Variants in C6orf163 observed in about 807,000 individuals in gnomAD.
C6orf163 encodes chromosome 6 open reading frame 163, also known as uncharacterized protein C6orf163.
A neutral mutation model predicts 28.4 loss-of-function variants in C6orf163; 22 were observed. The ratio of observed to expected loss-of-function variants is 0.78; its 90% CI spans 0.55 to 1.11. C6orf163 has a LOEUF of 1.11. Among genes scored for constraint, C6orf163 ranks in the 50% least tolerant of loss-of-function variants. C6orf163 has a pLI of 0.00. For missense variants in C6orf163, 342 were observed against 389.1 expected, an observed-to-expected ratio of 0.88 and a Z score of 1.02; for synonymous variants, 110 against 123.6, an observed-to-expected ratio of 0.89 and a Z score of 0.73.
intron 1 of C6orf163, chr6:87,348,399 G>A: frequency 1.0e-6 from 1 of 989,476 alleles, no homozygotes; most frequent in South Asian, 4.7e-5. Flanking sequence ...GTAATGTGAA[G>A]GCATTCCACT....
chr6:87,363,933 G>A (rs1407687847), intron 4 of C6orf163, among the ~76,000 whole-genome samples: 2 of 152,056 alleles, frequency 1.3e-5, no homozygotes, highest in South Asian at 2.1e-4. Context: ...ACAATAAATT[G>A]AAACAGTATG....
chr6:87,362,219 G>GT (rs1777590210), intron 4 of C6orf163, among the ~76,000 whole-genome samples: 1 of 152,208 alleles, frequency 6.6e-6, no homozygotes, highest in African/African-American at 2.4e-5. Context: ...GCTCACACCT[G>GT]TAATCCCAGC....
At chr6:87,361,962 A>G (rs1777586622) in intron 4 of C6orf163, among the ~76,000 whole-genome samples, 1 of 152,148 alleles carries the variant, frequency 6.6e-6, no homozygotes, top group African/African-American at 2.4e-5. Flanking sequence ...CCCCACTAAG[A>G]TTCAGTTCAC....
chr6:87,346,321 A>T (rs1293451913), intron 1 of C6orf163, among the ~76,000 whole-genome samples: 3 of 152,218 alleles, frequency 2.0e-5, no homozygotes, highest in Admixed American at 2.0e-4. Flanking sequence ...ATCATCTTCT[A>T]AAAACATCAA....
chr6:87,353,974 C>G (rs1777459642), intron 3 of C6orf163, among the ~76,000 whole-genome samples: 1 of 152,224 alleles, frequency 6.6e-6, no homozygotes, highest in Admixed American at 6.5e-5. Flanking sequence ...GCCTCAGCCT[C>G]CCAAGTAGCT....
chr6:87,344,892 G>A lies in C6orf163; in HGVS notation c.-208G>A, dbSNP rs1777300193. ...AAATCTGGTGCCCATACCTTCTATG[G>A]CAGGGGCTTTTAGCACCATTCTTTA... On this transcript the variant is annotated 5_prime_UTR_variant, in exon 1 of 5. It introduces an in-frame stop codon into an upstream open reading frame of the 5' UTR. Transcript: ENST00000388923. 2.5e-6 allele frequency: 1 copy of A among 395,960 alleles called. No homozygotes were observed. Among genetic ancestry groups the A allele is most frequent in the Admixed American group, 4.4e-5 (1 of 22,546 alleles). The allele number at this position is 395,960 out of a possible 1,614,324, so 24.5% of individuals were successfully genotyped here.
At chr6:87,345,932 A>AAAAAAAAAT (rs1777315678) in intron 1 of C6orf163, among the ~76,000 whole-genome samples, 1 of 151,190 alleles carries the variant, frequency 6.6e-6, no homozygotes, top group Non-Finnish European at 1.5e-5. Context: ...AAAAAAAAAA[A>AAAAAAAAAT]AAAAAAAATT....
chr6:87,347,970 A>G, intron 1 of C6orf163: 1 of 688,088 alleles, frequency 1.5e-6, no homozygotes. Flanking sequence ...AGCCTGACCA[A>G]CATGGTGAAA....
At chr6:87,364,282 C>A (rs1582112845) in intron 4 of C6orf163, among the ~76,000 whole-genome samples, 2 of 150,910 alleles carry the variant, frequency 1.3e-5, no homozygotes. Flanking sequence ...GACACTGTCT[C>A]AAAAAAAAAG....
chr6:87,351,712 T>C (rs1777415266), intron 3 of C6orf163, among the ~76,000 whole-genome samples: 1 of 152,248 alleles, frequency 6.6e-6, no homozygotes, highest in Non-Finnish European at 1.5e-5. Flanking sequence ...TCTCTATCAG[T>C]TGATAAATAG....
chr6:87,346,085 T>A (rs182603844), intron 1 of C6orf163, among the ~76,000 whole-genome samples: 1 of 152,116 alleles, frequency 6.6e-6, no homozygotes, highest in Non-Finnish European at 1.5e-5. Context: ...CAAATTGTAC[T>A]ATAGGTTTCC....
At chr6:87,347,577 A>T in intron 1 of C6orf163, 1 of 985,386 alleles carries the variant, frequency 1.0e-6, no homozygotes, top group Non-Finnish European at 1.2e-6. Context: ...TGTTTTTAAG[A>T]TTCGCTGATG....
rs1270187083 is a variant in C6orf163 at position 87,345,134 on chromosome 6, G to T, written c.35G>T (p.Cys12Phe). 1 of 1,534,856 alleles carries T rather than the reference G, an allele frequency of 6.5e-7. No homozygotes were observed. The highest frequency in any genetic ancestry group is 8.7e-7 in the Non-Finnish European group (1 of 1,146,152). Reference protein sequence around the residue: ...IRNSDYKNFVCCAVCNKIIPP... With the variant: ...IRNSDYKNFVFCAVCNKIIPP... The stretch of plus-strand genomic sequence containing the variant: ...AATTCAGATTACAAAAACTTTGTTT[G>T]CTGTGCTGTTTGTAATAAAATAATT... Residue 12 changes from cysteine (C) to phenylalanine (F), a missense_variant, in exon 1 of 5, where the codon TGC (cysteine) becomes TTC (phenylalanine). Coordinates refer to ENST00000388923, the MANE Select transcript of C6orf163 (RefSeq NM_001010868.3).
intron 4 of C6orf163, among the ~76,000 whole-genome samples, chr6:87,360,277 TA>T (rs11331376): frequency 0.43 from 65,240 of 151,822 alleles, 14,402 homozygotes; most frequent in Non-Finnish European, 0.48. Flanking sequence ...CCTCTTTCGA[TA>T]AAAAAAATAC....
chr6:87,364,957 G>A lies in C6orf163; in HGVS notation c.555-4G>A, dbSNP rs947585783. On this transcript the variant is annotated splice_region_variant and splice_polypyrimidine_tract_variant and intron_variant, in intron 4 of 4. Transcript: ENST00000388923. ...AAATTATAAATCCATATTATCTTTT[G>A]TAGCAAAGCCGTGGAGGAAATTGTG... The A allele has an allele frequency of 5.9e-6, 9 of 1,530,034 alleles. No individual in the cohort carries two copies. The highest frequency in any genetic ancestry group is 1.4e-5 in the African/African-American group (1 of 71,970). The allele number at this position is 1,530,034 out of a possible 1,614,324, so 94.8% of individuals were successfully genotyped here. A position where few individuals can be genotyped will look rare whatever the true frequency, so the allele number is the denominator to read the frequency against.
intron 3 of C6orf163, among the ~76,000 whole-genome samples, chr6:87,354,313 C>T (rs936759797): frequency 1.3e-5 from 2 of 152,080 alleles, no homozygotes; most frequent in African/African-American, 4.8e-5. Context: ...GATTTGATAC[C>T]TACAAAGAGC....
intron 3 of C6orf163, among the ~76,000 whole-genome samples, chr6:87,351,051 T>C (rs1184670976): frequency 6.6e-6 from 1 of 152,204 alleles, no homozygotes; most frequent in African/African-American, 2.4e-5. Context: ...CCCTCAATAA[T>C]TTAATGCAGG....
rs748569043 is a variant in C6orf163, at chr6:87,365,359, A to T, written c.953A>T (p.Asn318Ile). Residue 318 changes from asparagine (N) to isoleucine (I), a missense_variant, in exon 5 of 5, where the codon AAT (asparagine) becomes ATT (isoleucine). Transcript: ENST00000388923. The stretch of plus-strand genomic sequence containing the variant: ...CCAGAAAGAAAGAAAACACCTTCTA[A>T]TCTTGTTATTAAGGAGAACAAAACA... ...ILPERKKTPS[N>I]LVIKENKTTL... 1.2e-5 allele frequency: 18 copies of T among 1,548,324 alleles called. No homozygotes were observed. Among genetic ancestry groups the T allele is most frequent in the Non-Finnish European group, 1.5e-5 (17 of 1,145,588 alleles).
At chr6:87,352,445 T>A (rs1476861924) in intron 3 of C6orf163, among the ~76,000 whole-genome samples, 2 of 152,232 alleles carry the variant, frequency 1.3e-5, no homozygotes, top group African/African-American at 4.8e-5. Context: ...ATATTAAATT[T>A]TGATGTGTCA....
Sources: allele counts gnomAD v4.1 joint callset (sites outside exome capture counted in the v4.1 genomes callset), GRCh38; gene constraint gnomAD v4.1.1; transcripts MANE v1.5; gene names NCBI Gene and HGNC (gene_info 2026-07-23, HGNC 2026-07-21).